Variants in ARHGAP32 observed in about 807,000 individuals in gnomAD.
ARHGAP32 encodes the protein rho GTPase-activating protein 32.
A neutral mutation model predicts 186.5 loss-of-function variants in ARHGAP32; 51 were observed. The observed-to-expected ratio is 0.27, with a 90% CI of 0.22 to 0.35. The LOEUF is 0.35. Among genes scored for constraint, ARHGAP32 ranks in the 10% least tolerant of loss-of-function variants. The pLI is 1.00. For missense variants in ARHGAP32, 2,186 were observed against 2,623.5 expected, an observed-to-expected ratio of 0.83 and a Z score of 3.64; for synonymous variants, 950 against 964.3, an observed-to-expected ratio of 0.99 and a Z score of 0.27.
At chr11:129,238,793 ACATAATT>A (rs139101426) in intron 1 of ARHGAP32, among the ~76,000 whole-genome samples, 50,557 of 146,308 alleles carry the variant, frequency 0.35, 8,804 homozygotes, top group East Asian at 0.45. Flanking sequence ...CTCTAACCAA[ACATAATT>A]AAGACTTCTG....
chr11:129,186,109 G>A (rs1312023494), intron 1 of ARHGAP32, among the ~76,000 whole-genome samples: 2 of 152,022 alleles, frequency 1.3e-5, no homozygotes, highest in Non-Finnish European at 2.9e-5. Flanking sequence ...AAGTCCTATT[G>A]ACTATTTAAG....
intron 1 of ARHGAP32, among the ~76,000 whole-genome samples, chr11:129,277,317 G>C (rs1020636733): frequency 6.6e-6 from 1 of 151,866 alleles, no homozygotes; most frequent in African/African-American, 2.4e-5. Flanking sequence ...AAAATGATAC[G>C]GAGGTTAGGA....
intron 1 of ARHGAP32, among the ~76,000 whole-genome samples, chr11:129,236,117 CTACTTTGAG>C (rs1223599883): frequency 8.5e-5 from 13 of 152,180 alleles, no homozygotes; most frequent in African/African-American, 3.1e-4. Flanking sequence ...AACAGTAGAT[CTACTTTGAG>C]TTCTTTAAGG....
At chr11:129,095,414 T>A (rs376092329) in intron 5 of ARHGAP32, among the ~76,000 whole-genome samples, 46 of 152,316 alleles carry the variant, frequency 3.0e-4, no homozygotes, top group Non-Finnish European at 6.3e-4. Context: ...CAACTCTCTG[T>A]AGCAGAGAGT....
rs553576310 is a variant in ARHGAP32, at chr11:129,253,536, G to A, written c.-5+25610C>T. ...CACTATTAACTAAATTACATGTTGA[G>A]GAAAAGTAGCCCACAATATGTGAAA... is the stretch of plus-strand genomic sequence containing the variant. On this transcript the variant is annotated intron_variant, in intron 1 of 6. Transcript: ENST00000525234. 2.0e-5 allele frequency among the ~76,000 whole-genome samples: 3 copies of A among 152,112 alleles called. No individual in the cohort carries two copies. The South Asian group carries it at 6.2e-4, about 32-fold the overall frequency.
chr11:128,991,508 A>C lies in ARHGAP32; in HGVS notation c.1196-3383T>G, dbSNP rs1232189737. 1.2e-4 allele frequency among the ~76,000 whole-genome samples: 18 copies of C among 152,306 alleles called. No individual in the cohort carries two copies. The East Asian group carries it at 3.5e-3, about 29-fold the overall frequency. Reference sequence around the variant, plus strand: ...TTTTTCACGAAAGAGTAGGAAAGCAATATAAGAAATCCAATATATTTTGTA... The same window carrying C: ...TTTTTCACGAAAGAGTAGGAAAGCACTATAAGAAATCCAATATATTTTGTA... On this transcript the variant is annotated intron_variant, in intron 12 of 22. Transcript: ENST00000682385.
intron 11 of ARHGAP32, among the ~76,000 whole-genome samples, chr11:129,028,265 A>G (rs564233055): frequency 3.7e-4 from 57 of 152,342 alleles, no homozygotes; most frequent in African/African-American, 1.4e-3. Flanking sequence ...TGCAAATTCA[A>G]GTTTGTCAAA....
At chr11:129,037,740 T>TA (rs1354277591) in intron 11 of ARHGAP32, among the ~76,000 whole-genome samples, 1 of 151,750 alleles carries the variant, frequency 6.6e-6, no homozygotes, top group Admixed American at 6.6e-5. Context: ...TAGGATGACT[T>TA]ACACTTCCCC....
intron 18 of ARHGAP32, 40 bp downstream of exon 18, chr11:128,980,513 A>G (rs1317740110): frequency 6.7e-7 from 1 of 1,500,332 alleles, no homozygotes. Flanking sequence ...GGACATAGCT[A>G]TGAAAATCAT....
At position 129,123,651 on chromosome 11, in the gene ARHGAP32, G is replaced by T; in HGVS notation, c.360-121C>A. 2.3e-6 allele frequency: 2 copies of T among 869,200 alleles called. No individual in the cohort carries two copies. Among genetic ancestry groups the T allele is most frequent in the Non-Finnish European group, 3.7e-6 (2 of 545,580 alleles). The allele number at this position is 869,200 out of a possible 1,614,324, so 53.8% of individuals were successfully genotyped here. ...GCAAAAATATTTCGTAAGCACATGCGCATGAGCCACACATATCCGCACAAA... is the reference window on the plus strand; with the variant it reads ...GCAAAAATATTTCGTAAGCACATGCTCATGAGCCACACATATCCGCACAAA... On this transcript the variant is annotated intron_variant, in intron 4 of 22. Transcript: ENST00000682385. The surrounding 1 kb of genome is among the most constrained non-coding windows in gnomAD (Gnocchi z 4.6).
intron 1 of ARHGAP32, among the ~76,000 whole-genome samples, chr11:129,269,640 T>C (rs1945449631): frequency 6.6e-6 from 1 of 151,972 alleles, no homozygotes; most frequent in Non-Finnish European, 1.5e-5. Flanking sequence ...CGTAGGAGGA[T>C]CACCTGAGCC....
chr11:129,070,871 T>C (rs573044012), intron 6 of ARHGAP32, among the ~76,000 whole-genome samples: 17 of 152,076 alleles, frequency 1.1e-4, no homozygotes, highest in Non-Finnish European at 2.9e-5. Context: ...CATTTGCCTT[T>C]TATTGACTTA....
At chr11:129,124,772 C>A (rs552216418) in intron 3 of ARHGAP32, 31 bp downstream of exon 3, 59 of 1,473,312 alleles carry the variant, frequency 4.0e-5, no homozygotes, top group Middle Eastern at 1.8e-4. Flanking sequence ...CGTAGGAATT[C>A]ATTTAGAATC....
At chr11:129,276,210 G>A (rs1401697172) in intron 1 of ARHGAP32, among the ~76,000 whole-genome samples, 3 of 152,234 alleles carry the variant, frequency 2.0e-5, no homozygotes, top group Non-Finnish European at 4.4e-5. Flanking sequence ...AAAATTGCAA[G>A]TACTACCGGT....
intron 1 of ARHGAP32, among the ~76,000 whole-genome samples, chr11:129,259,722 A>C (rs909337515): frequency 1.3e-4 from 20 of 152,214 alleles, no homozygotes; most frequent in African/African-American, 4.6e-4. Flanking sequence ...AATGCATAAA[A>C]TGGCAGTAAT....
At chr11:129,194,050 A>G (rs1365125420), upstream of ARHGAP32, among the ~76,000 whole-genome samples, 1 of 152,012 alleles carries the variant, frequency 6.6e-6, no homozygotes, top group Admixed American at 6.6e-5. Context: ...ACAATACATA[A>G]TAAGATGACT....
intron 2 of ARHGAP32, among the ~76,000 whole-genome samples, chr11:129,133,514 C>G (rs112636261): frequency 6.6e-6 from 1 of 151,942 alleles, no homozygotes; most frequent in Non-Finnish European, 1.5e-5. Context: ...CTGAGAGCAT[C>G]CAGAAACAAA....
At chr11:129,225,344 C>A (rs10894002) in intron 1 of ARHGAP32, among the ~76,000 whole-genome samples, 3 of 151,798 alleles carry the variant, frequency 2.0e-5, no homozygotes, top group African/African-American at 7.3e-5. Context: ...GAAGTCCGGA[C>A]AAGACTGACT....
chr11:129,011,161 G>A (rs1406157591), intron 11 of ARHGAP32, among the ~76,000 whole-genome samples: 2 of 152,162 alleles, frequency 1.3e-5, no homozygotes, highest in African/African-American at 2.4e-5. Context: ...TTTACACTTA[G>A]TATGTGCAAG....
Sources: allele counts gnomAD v4.1 joint callset (sites outside exome capture counted in the v4.1 genomes callset), GRCh38; gene constraint gnomAD v4.1.1; non-coding constraint Gnocchi (gnomAD v3.1); transcripts MANE v1.5; gene names NCBI Gene and HGNC (gene_info 2026-07-23, HGNC 2026-07-21).